Variants in BRINP3 observed in about 807,000 individuals in gnomAD.
The protein encoded by BRINP3 is BMP/retinoic acid inducible neural specific 3, also known as BMP/retinoic acid-inducible neural-specific protein 3.
A neutral mutation model predicts 71.0 loss-of-function variants in BRINP3; 19 were observed. That is an observed-to-expected ratio of 0.27 (90% CI 0.19 to 0.39). BRINP3 has a LOEUF of 0.39. BRINP3 is among the 10% of genes least tolerant of loss of function. BRINP3 has a pLI of 1.00. For synonymous variants in BRINP3, 380 were observed against 337.7 expected, an observed-to-expected ratio of 1.13 and a Z score of -1.37; for missense variants, 959 against 940.8, an observed-to-expected ratio of 1.02 and a Z score of -0.25.
At chr1:190,392,310 T>C (rs866558245) in intron 2 of BRINP3, among the ~76,000 whole-genome samples, 1 of 151,704 alleles carries the variant, frequency 6.6e-6, no homozygotes, top group African/African-American at 2.4e-5. Flanking sequence ...AGTTCTCTTA[T>C]ACAGACTGGG....
At chr1:190,308,289 G>A (rs1475469450) in intron 2 of BRINP3, among the ~76,000 whole-genome samples, 3 of 151,768 alleles carry the variant, frequency 2.0e-5, no homozygotes, top group African/African-American at 7.3e-5. Context: ...TTGAATTTTA[G>A]CACTAGATAA....
At chr1:190,242,068 A>G (rs1443110312) in intron 4 of BRINP3, among the ~76,000 whole-genome samples, 1 of 151,802 alleles carries the variant, frequency 6.6e-6, no homozygotes, top group Non-Finnish European at 1.5e-5. Context: ...TTTTTTACCC[A>G]GTTGAAATAT....
At chr1:190,363,838 G>A (rs984767861) in intron 2 of BRINP3, among the ~76,000 whole-genome samples, 1 of 152,092 alleles carries the variant, frequency 6.6e-6, no homozygotes, top group Admixed American at 6.6e-5. Context: ...ATAAACGTCT[G>A]AATGACTCCC....
chr1:190,456,035 A>G (rs184286044), intron 1 of BRINP3, among the ~76,000 whole-genome samples: 115 of 152,338 alleles, frequency 7.5e-4, no homozygotes, highest in Non-Finnish European at 8.8e-5. Context: ...GTTTACTTGC[A>G]TGAGTTCTTA....
At position 190,420,814 on chromosome 1, in the gene BRINP3, T is replaced by C. The variant is rs137932952; in HGVS notation, c.236+33841A>G. On this transcript the variant is annotated intron_variant, in intron 2 of 7. Transcript: ENST00000367462. ...AGGGAATGACAAAAACAGCTTAAAT[T>C]TTATAGACTGCCATGCATAAAGGAG... Among the ~76,000 whole-genome samples the C allele has an allele frequency of 2.6e-3, 393 of 151,984 alleles. 1 individual carries two copies. The highest frequency in any genetic ancestry group is 4.3e-3 in the Non-Finnish European group (289 of 67,842).
At chr1:190,367,347 G>A (rs997473470) in intron 2 of BRINP3, among the ~76,000 whole-genome samples, 6 of 152,182 alleles carry the variant, frequency 3.9e-5, no homozygotes, top group African/African-American at 1.4e-4. Context: ...AGCTAAAGCA[G>A]CTGGGATGCA....
chr1:190,444,463 C>T (rs771229598), intron 2 of BRINP3, among the ~76,000 whole-genome samples: 2 of 151,442 alleles, frequency 1.3e-5, no homozygotes, highest in African/African-American at 4.8e-5. Flanking sequence ...AATAAAATGG[C>T]TTACTAATAT....
In BRINP3 at chr1:190,137,949, GT is replaced by G. The variant is rs560918673; in HGVS notation, c.1184+22718del. Among the ~76,000 whole-genome samples the G allele has an allele frequency of 2.7e-3, 399 of 145,368 alleles. 2 individuals are homozygous for G. Among genetic ancestry groups the G allele is most frequent in the African/African-American group, 8.3e-3 (331 of 39,926 alleles). ...ACAGAAATTATGAAAAGACTTCCTA[GT>G]TTTTTTTTTTTGTTTGTATTTTAGA... On this transcript the variant is annotated intron_variant, in intron 7 of 7. Transcript: ENST00000367462.
chr1:190,172,118 G>GTCTT (rs988131920), intron 6 of BRINP3, among the ~76,000 whole-genome samples: 5 of 148,420 alleles, frequency 3.4e-5, no homozygotes, highest in Admixed American at 2.1e-4. Flanking sequence ...ATTTAAAAAG[G>GTCTT]TCTTTCTTTC....
At chr1:190,290,978 T>TAG (rs1371648127) in intron 2 of BRINP3, among the ~76,000 whole-genome samples, 5 of 150,662 alleles carry the variant, frequency 3.3e-5, no homozygotes, top group Non-Finnish European at 7.4e-5. Context: ...ATATGGAGTA[T>TAG]AGAGAGAGAG....
At chr1:190,111,182 TAAAAAAAAA>T (rs750953190) in intron 7 of BRINP3, among the ~76,000 whole-genome samples, 1 of 61,812 alleles carries the variant, frequency 1.6e-5, no homozygotes. Context: ...AAGACTCCAT[TAAAAAAAAA>T]AAAAAAAAAA....
intron 6 of BRINP3, among the ~76,000 whole-genome samples, chr1:190,172,916 T>C (rs1558033888): frequency 6.6e-6 from 1 of 152,152 alleles, no homozygotes; most frequent in Admixed American, 6.6e-5. Context: ...AATGGCCAGA[T>C]GCATGCAACC....
intron 3 of BRINP3, among the ~76,000 whole-genome samples, chr1:190,271,365 T>C (rs1251283213): frequency 6.6e-6 from 1 of 151,666 alleles, no homozygotes; most frequent in Non-Finnish European, 1.5e-5. Flanking sequence ...TATGGAACAT[T>C]AGCATAGTAA....
At chr1:190,398,226 A>C (rs1671703892) in intron 2 of BRINP3, among the ~76,000 whole-genome samples, 1 of 151,974 alleles carries the variant, frequency 6.6e-6, no homozygotes, top group Non-Finnish European at 1.5e-5. Context: ...AAGGAGTTGT[A>C]CAATTTGCTT....
At chr1:190,143,409 T>C (rs1655623756) in intron 7 of BRINP3, among the ~76,000 whole-genome samples, 1 of 152,172 alleles carries the variant, frequency 6.6e-6, no homozygotes, top group South Asian at 2.1e-4. Flanking sequence ...ATGGAACTAC[T>C]CAAAGGTCAA....
At chr1:190,312,645 T>C (rs191262430) in intron 2 of BRINP3, among the ~76,000 whole-genome samples, 12 of 151,902 alleles carry the variant, frequency 7.9e-5, no homozygotes, top group African/African-American at 2.9e-4. Flanking sequence ...AGCTTTCAAA[T>C]ATGAGTGGTT....
At chr1:190,391,557 A>T (rs954944704) in intron 2 of BRINP3, among the ~76,000 whole-genome samples, 1 of 151,880 alleles carries the variant, frequency 6.6e-6, no homozygotes, top group Non-Finnish European at 1.5e-5. Flanking sequence ...ATAGAACAAG[A>T]TTTTACAATA....
chr1:190,338,709 T>C (rs1039965382), intron 2 of BRINP3, among the ~76,000 whole-genome samples: 2 of 151,910 alleles, frequency 1.3e-5, no homozygotes, highest in African/African-American at 4.8e-5. Flanking sequence ...GTGTCTTGCT[T>C]ACCTGTACTA....
intron 2 of BRINP3, among the ~76,000 whole-genome samples, chr1:190,393,009 G>T (rs1671345906): frequency 6.6e-6 from 1 of 151,524 alleles, no homozygotes; most frequent in Non-Finnish European, 1.5e-5. Flanking sequence ...GCTGTGAAGA[G>T]TATTTTGCCA....
Sources: gnomAD v4.1 joint callset for allele counts (sites outside exome capture counted in the v4.1 genomes callset) on GRCh38, gnomAD v4.1.1 for gene constraint, MANE v1.5 for transcripts, NCBI Gene and HGNC (gene_info 2026-07-23, HGNC 2026-07-21) for gene names.